The following AFG3L2 variants were observed in gnomAD, a reference collection of about 807,000 sequenced individuals.
AFG3L2 encodes mitochondrial inner membrane m-AAA protease component AFG3L2.
AFG3L2 carries 54 observed loss-of-function variants against 94.5 expected under a neutral mutation model. That is an observed-to-expected ratio of 0.57 (90% CI 0.46 to 0.72). AFG3L2 has a LOEUF of 0.72. Ranked by LOEUF, AFG3L2 falls within the 30% of genes least tolerant of loss-of-function variation. AFG3L2 has a pLI of 0.00. For missense variants in AFG3L2, 754 were observed against 994.9 expected (o/e 0.76, Z 3.26); for synonymous variants, 377 against 365.5 (o/e 1.03, Z -0.36).
intron 15 of AFG3L2, 23 bp from the exon 16 acceptor site, chr18:12,337,558 T>C (rs751771983): frequency 6.2e-7 from 1 of 1,609,190 alleles, no homozygotes; most frequent in Non-Finnish European, 8.5e-7. Flanking sequence ...TAATTAGTGG[T>C]GATTACATAT....
At chr18:12,374,978 C>T (rs1346876862) in intron 1 of AFG3L2, among the ~76,000 whole-genome samples, 2 of 151,094 alleles carry the variant, frequency 1.3e-5, no homozygotes, top group Non-Finnish European at 2.9e-5. Context: ...ATTGCTTGAA[C>T]CCTGGAGGCG....
rs1240692234 is a variant in AFG3L2 at position 12,332,980 on chromosome 18, TA to T, written c.2176-3198del. Among the ~76,000 whole-genome samples the T allele has an allele frequency of 2.5e-4, 9 of 35,358 alleles. No individual in the cohort carries two copies. In the South Asian group the frequency reaches 4.0e-3, roughly 16 times the overall value. The allele number at this position is 35,358 out of a possible 152,430, so 23.2% of individuals were successfully genotyped here. On this transcript the variant is annotated intron_variant, in intron 16 of 16. Transcript: ENST00000269143. ...ATACTATAATATATTATATATTATA[TA>T]AATATATTATATAAATTATATATAA...
chr18:12,333,479 C>G (rs1206698684), intron 16 of AFG3L2, among the ~76,000 whole-genome samples: 2 of 150,472 alleles, frequency 1.3e-5, no homozygotes, highest in South Asian at 4.2e-4. Context: ...ATCCTCCCAT[C>G]TCAGCCTCCA....
chr18:12,363,208 G>A (rs1035360385), intron 6 of AFG3L2, among the ~76,000 whole-genome samples: 4 of 152,138 alleles, frequency 2.6e-5, no homozygotes, highest in African/African-American at 4.8e-5. Context: ...CAAGTCCTGG[G>A]AGCCTCAGCT....
At chr18:12,346,866 T>A (rs1210616880) in intron 13 of AFG3L2, among the ~76,000 whole-genome samples, 1 of 123,500 alleles carries the variant, frequency 8.1e-6, no homozygotes, top group African/African-American at 3.2e-5. Context: ...ATCAAGCCAC[T>A]GCACTTCAGC....
intron 6 of AFG3L2, chr18:12,360,309 A>C (rs768691685): frequency 8.0e-5 from 35 of 435,046 alleles, no homozygotes; most frequent in Non-Finnish European, 1.2e-4. Context: ...CTCAAAAAAC[A>C]GAATGAAAAA....
chr18:12,366,864 A>G, intron 5 of AFG3L2, 101 bp downstream of exon 5: 3 of 1,486,420 alleles, frequency 2.0e-6, no homozygotes, highest in Non-Finnish European at 2.8e-6. Flanking sequence ...CAATTTTACA[A>G]TGGACGAGCC....
At chr18:12,364,945 C>T (rs1598836740) in intron 5 of AFG3L2, among the ~76,000 whole-genome samples, 2 of 152,204 alleles carry the variant, frequency 1.3e-5, no homozygotes, top group South Asian at 2.1e-4. Flanking sequence ...GCACAGATTA[C>T]AGGTGTGAGC....
intron 6 of AFG3L2, 124 bp downstream of exon 6, chr18:12,363,658 A>G (rs941018190): frequency 4.3e-5 from 33 of 768,612 alleles, no homozygotes; most frequent in Non-Finnish European, 6.9e-5. Flanking sequence ...CCCCTGCCAC[A>G]CTGCCCAGTT....
chr18:12,345,775 T>G (rs1908114172), intron 13 of AFG3L2, among the ~76,000 whole-genome samples: 1 of 152,258 alleles, frequency 6.6e-6, no homozygotes, highest in Admixed American at 6.5e-5. Flanking sequence ...ATACACAGTT[T>G]TCACCTGTCT....
rs530833826 is a variant in AFG3L2 at position 12,346,641 on chromosome 18, C to T, written c.1663+1632G>A. Among the ~76,000 whole-genome samples, 10 of 152,306 alleles carry T rather than the reference C, an allele frequency of 6.6e-5. No homozygotes were observed. In the South Asian group the frequency reaches 1.2e-3, roughly 19 times the overall value. On this transcript the variant is annotated intron_variant, in intron 13 of 16. Coordinates refer to ENST00000269143, the MANE Select transcript of AFG3L2 (RefSeq NM_006796.3). ...GATCATTATGTTACTCAGTGGCTCA[C>T]GCCTGTAATCCGAACACTTTGGGAG...
intron 1 of AFG3L2, among the ~76,000 whole-genome samples, chr18:12,376,016 G>A (rs1215893046): frequency 6.6e-6 from 1 of 152,184 alleles, no homozygotes. Flanking sequence ...ATCGTAGATC[G>A]GAGGGTCTGC....
chr18:12,354,126 A>ACC (rs1568140579), intron 9 of AFG3L2, among the ~76,000 whole-genome samples: 2 of 66,628 alleles, frequency 3.0e-5, no homozygotes, highest in Admixed American at 1.6e-4. Flanking sequence ...CCACCTGCCC[A>ACC]CTCCCACCCC....
intron 1 of AFG3L2, among the ~76,000 whole-genome samples, chr18:12,374,917 G>A (rs1263726541): frequency 3.3e-5 from 5 of 151,956 alleles, no homozygotes; most frequent in Admixed American, 2.0e-4. Flanking sequence ...TTAGCCAGGC[G>A]TAGTGGCGGG....
intron 10 of AFG3L2, among the ~76,000 whole-genome samples, chr18:12,352,359 C>T (rs1382862868): frequency 6.6e-6 from 1 of 151,770 alleles, no homozygotes; most frequent in African/African-American, 2.4e-5. Flanking sequence ...TCAGTACTGG[C>T]ACTGTGCTTC....
At position 12,363,784 on chromosome 18, in the gene AFG3L2, C is replaced by A. The variant is rs893103050; in HGVS notation, c.625G>T (p.Gly209Trp). The A allele has an allele frequency of 1.2e-6, 2 of 1,610,618 alleles. No individual in the cohort carries two copies. The highest frequency in any genetic ancestry group is 1.7e-6 in the Non-Finnish European group (2 of 1,177,992). Residue 209 changes from glycine (G) to tryptophan (W), a missense_variant and splice_region_variant, in exon 6 of 17, where the codon GGG becomes TGG. Around this residue, in one of 4 missense-constraint regions of AFG3L2, gnomAD observed 130 missense variants for 175.1 expected, o/e 0.74. Transcript: ENST00000269143. Reference protein sequence around the residue: ...TFTPGKTPVDGQYVWFNIGSV... With the variant: ...TFTPGKTPVDWQYVWFNIGSV... Reference sequence around the variant, plus strand: ...CATCAATTAATAAAATGATTTACCCCATCAACAGGAGTTTTTCCTGGTGTA... The same window carrying A: ...CATCAATTAATAAAATGATTTACCCAATCAACAGGAGTTTTTCCTGGTGTA...
intron 15 of AFG3L2, among the ~76,000 whole-genome samples, chr18:12,338,393 T>C (rs1185022578): frequency 6.6e-6 from 1 of 152,224 alleles, no homozygotes; most frequent in African/African-American, 2.4e-5. Flanking sequence ...CAACTGCATT[T>C]CCCCGTTCAC....
Position 12,361,298 on chromosome 18 carries a change from A to G in AFG3L2, c.628-1247T>C, listed in dbSNP as rs557665487. On this transcript the variant is annotated intron_variant, in intron 6 of 16. Transcript: ENST00000269143. ...AACCTGGGAGGCACAGGTTGCAGTG[A>G]GCCAAGATTGTGCCACTGCATTCCA... is the stretch of plus-strand genomic sequence containing the variant. Among the ~76,000 whole-genome samples the G allele has an allele frequency of 2.0e-5, 3 of 152,152 alleles. No homozygotes were observed. The South Asian group carries it at 6.2e-4, about 32-fold the overall frequency.
chr18:12,335,125 G>C (rs1907699764), intron 16 of AFG3L2, among the ~76,000 whole-genome samples: 1 of 152,066 alleles, frequency 6.6e-6, no homozygotes, highest in African/African-American at 2.4e-5. Context: ...GAGATTCCTT[G>C]TGGGCCCTAA....
Sources: allele counts gnomAD v4.1 joint callset (sites outside exome capture counted in the v4.1 genomes callset), GRCh38; gene constraint gnomAD v4.1.1; regional missense constraint gnomAD v4.1.1; transcripts MANE v1.5; gene names NCBI Gene and HGNC (gene_info 2026-07-23, HGNC 2026-07-21).